The following RGPD1 variants were observed in gnomAD, a reference collection of about 807,000 sequenced individuals.
The protein encoded by RGPD1 is RANBP2-like and GRIP domain-containing protein 1.
RGPD1 carries 7 observed loss-of-function variants against 40.6 expected under a neutral mutation model. The observed-to-expected ratio is 0.17, with a 90% CI of 0.10 to 0.32. RGPD1 has a LOEUF of 0.32. Ranked by LOEUF, RGPD1 falls within the 10% of genes least tolerant of loss-of-function variation. RGPD1 has a pLI of 1.00. For synonymous variants in RGPD1, 24 were observed against 167.0 expected, an observed-to-expected ratio of 0.14 and a Z score of 6.60; for missense variants, 50 against 472.5, an observed-to-expected ratio of 0.11 and a Z score of 8.29.
intron 1 of RGPD1, among the ~76,000 whole-genome samples, chr2:86,943,732 G>A (rs1035814973): frequency 2.6e-5 from 4 of 152,100 alleles, no homozygotes; most frequent in African/African-American, 7.2e-5. Context: ...GGATATTGGC[G>A]GGGCGCAGTG....
intron 1 of RGPD1, among the ~76,000 whole-genome samples, chr2:86,928,961 G>T (rs1678704628): frequency 6.7e-6 from 1 of 149,338 alleles, no homozygotes; most frequent in East Asian, 1.9e-4. Context: ...GTCACAGGAT[G>T]TACATTATCC....
At chr2:86,924,128 C>G (rs2104677236) in intron 1 of RGPD1, among the ~76,000 whole-genome samples, 2 of 118,384 alleles carry the variant, frequency 1.7e-5, no homozygotes, top group Non-Finnish European at 3.5e-5. Context: ...TGCCAAAATT[C>G]ACTGGCAAGT....
At chr2:86,929,388 C>A (rs192439824) in intron 1 of RGPD1, among the ~76,000 whole-genome samples, 1 of 152,108 alleles carries the variant, frequency 6.6e-6, no homozygotes, top group East Asian at 1.9e-4. Flanking sequence ...AACACAGTGG[C>A]CCTGCTTCAG....
At chr2:86,962,504 T>A (rs1680984668) in intron 6 of RGPD1, among the ~76,000 whole-genome samples, 1 of 63,488 alleles carries the variant, frequency 1.6e-5, no homozygotes, top group African/African-American at 1.5e-4. Context: ...AGAGACTCTG[T>A]CTCAAAAAAA....
intron 1 of RGPD1, among the ~76,000 whole-genome samples, chr2:86,942,673 C>T (rs1679957513): frequency 1.4e-5 from 2 of 141,096 alleles, no homozygotes. Context: ...CGGCGGCGGC[C>T]TCGACCTGGC....
chr2:86,913,751 C>G (rs1226432850), upstream of RGPD1: 27 of 1,379,606 alleles, frequency 2.0e-5, 1 homozygote, highest in Non-Finnish European at 2.5e-5. Flanking sequence ...CCTCCGCCGG[C>G]TACGTCAGTG....
In RGPD1 at chr2:86,942,566, C is replaced by CGGGCGG. The variant is rs1377271723; in HGVS notation, c.72+258_72+259insGGGCGG. ...GCGGCGGCGGCGGCCTCGACGTGGC[C>CGGGCGG]CGGCGGCGGCCTCGATGGCTCAGGC... is the stretch of plus-strand genomic sequence containing the variant. On this transcript the variant is annotated intron_variant, in intron 1 of 22. Coordinates refer to ENST00000641458, the MANE Select transcript of RGPD1 (RefSeq NM_001382344.1). Among the ~76,000 whole-genome samples the CGGGCGG allele has an allele frequency of 9.9e-3, 1,015 of 102,766 alleles. 63 individuals carry two copies. The highest frequency in any genetic ancestry group is 0.027 in the African/African-American group (790 of 29,206). 67.4% of individuals were successfully genotyped at this position (102,766 alleles called of 152,430 possible). A position where few individuals can be genotyped will look rare whatever the true frequency, so the allele number is the denominator to read the frequency against.
chr2:86,941,971 C>A (rs1157677819), upstream of RGPD1, among the ~76,000 whole-genome samples: 1 of 151,940 alleles, frequency 6.6e-6, no homozygotes, highest in African/African-American at 2.4e-5. Flanking sequence ...CTCGGCCTCC[C>A]AAAGTGTTGG....
At chr2:86,962,758 AATCTT>A (rs1681011729) in intron 6 of RGPD1, among the ~76,000 whole-genome samples, 2 of 23,502 alleles carry the variant, frequency 8.5e-5, no homozygotes, top group Admixed American at 8.6e-4. Context: ...TATAATCACT[AATCTT>A]ATATTTATCC....
At chr2:86,960,514 C>T (rs1425605399) in intron 6 of RGPD1, among the ~76,000 whole-genome samples, 3 of 103,972 alleles carry the variant, frequency 2.9e-5, no homozygotes, top group Non-Finnish European at 3.7e-5. Flanking sequence ...CGTGAGCCAC[C>T]GCGCTCAGCC....
chr2:86,919,492 T>A (rs1573563205), intron 1 of RGPD1, among the ~76,000 whole-genome samples: 1 of 115,916 alleles, frequency 8.6e-6, no homozygotes, highest in Admixed American at 7.8e-5. Context: ...ACCTAGCCCT[T>A]GCTCACCTTC....
chr2:86,957,710 ATCT>A lies in RGPD1; in HGVS notation c.411_413del (p.Leu138del), dbSNP rs1680838058. On this transcript the variant is annotated inframe_deletion, in exon 5 of 23. Coordinates refer to ENST00000641458, the MANE Select transcript of RGPD1 (RefSeq NM_001382344.1). ...TTCTTTTTCCCCTCTAAATAGGAAC[ATCT>A]TCTAGATTGTGAAGGTGAAGATGGA... The A allele has an allele frequency of 4.2e-6, 2 of 474,112 alleles. No individual in the cohort carries two copies. The highest frequency in any genetic ancestry group is 4.8e-5 in the African/African-American group (2 of 41,288). The allele number at this position is 474,112 out of a possible 1,614,324, so 29.4% of individuals were successfully genotyped here.
chr2:86,926,719 T>G (rs1423377560), intron 1 of RGPD1, among the ~76,000 whole-genome samples: 1 of 152,116 alleles, frequency 6.6e-6, no homozygotes, highest in Non-Finnish European at 1.5e-5. Flanking sequence ...TTTCATTTGA[T>G]TCTCACATTA....
chr2:87,000,254 T>C lies in RGPD1; in HGVS notation c.5236+2496T>C, dbSNP rs1681930219. 2.2e-5 allele frequency among the ~76,000 whole-genome samples: 3 copies of C among 137,104 alleles called. No individual in the cohort carries two copies. In the South Asian group the frequency reaches 6.4e-4, roughly 29 times the overall value. The allele number at this position is 137,104 out of a possible 152,430, so 89.9% of individuals were successfully genotyped here. A position where few individuals can be genotyped will look rare whatever the true frequency, so the allele number is the denominator to read the frequency against. ...AATGTTTGCATTTTAAAATTAAAGT[T>C]TTCAATACAACAATGATATTATCTC... On this transcript the variant is annotated intron_variant, in intron 22 of 22. Coordinates refer to ENST00000641458, the MANE Select transcript of RGPD1 (RefSeq NM_001382344.1).
intron 1 of RGPD1, among the ~76,000 whole-genome samples, chr2:86,914,236 G>GGACGGCGGCGGCGGCCTCGGCCT (rs1677623198): frequency 1.2e-5 from 1 of 82,330 alleles, no homozygotes; most frequent in Non-Finnish European, 2.5e-5. Context: ...CGGCCTGGCC[G>GGACGGCGGCGGCGGCCTCGGCCT]GGCGGCGGCG....
intron 6 of RGPD1, among the ~76,000 whole-genome samples, chr2:86,960,153 AG>A (rs1680875091): frequency 9.6e-6 from 1 of 103,792 alleles, no homozygotes; most frequent in Non-Finnish European, 1.9e-5. Context: ...CCGGACCATG[AG>A]GGGGTGACTG....
intron 1 of RGPD1, among the ~76,000 whole-genome samples, chr2:86,923,017 G>T (rs1419112386): frequency 9.3e-6 from 1 of 107,066 alleles, no homozygotes; most frequent in African/African-American, 3.7e-5. Flanking sequence ...ATCGTATCAG[G>T]TTCCATGGTA....
Position 86,930,621 on chromosome 2 carries a change from C to A in RGPD1, c.72+16700C>A. The A allele has an allele frequency of 3.1e-6, 5 of 1,611,682 alleles. No individual in the cohort carries two copies. In the South Asian group the frequency reaches 5.5e-5, roughly 18 times the overall value. On this transcript the variant is annotated intron_variant, in intron 1 of 22. Transcript: ENST00000398193. ...GTAGTAGGTGCAGCAGCCAGTCTCC[C>A]CGCAGCAGTGAACACTCTCACAGAG...
chr2:86,943,424 T>C (rs1008200059), intron 1 of RGPD1, among the ~76,000 whole-genome samples: 4 of 152,104 alleles, frequency 2.6e-5, no homozygotes, highest in Non-Finnish European at 5.9e-5. Context: ...TACAGGTAAA[T>C]AATGTGATCT....
Sources: gnomAD v4.1 joint callset for allele counts (sites outside exome capture counted in the v4.1 genomes callset) on GRCh38, gnomAD v4.1.1 for gene constraint, MANE v1.5 for transcripts, NCBI Gene and HGNC (gene_info 2026-07-23, HGNC 2026-07-21) for gene names.